Variants in ARHGEF4 observed in about 807,000 individuals in gnomAD.
The protein encoded by ARHGEF4 is Rho guanine nucleotide exchange factor 4.
A neutral mutation model predicts 162.0 loss-of-function variants in ARHGEF4; 119 were observed. The ratio of observed to expected loss-of-function variants is 0.73; its 90% confidence interval spans 0.63 to 0.86. The LOEUF (loss-of-function observed/expected upper bound fraction) is 0.86, where lower values mean the gene tolerates loss of function less well. Among genes scored for constraint, ARHGEF4 ranks in the 40% least tolerant of loss-of-function variants. ARHGEF4 has a pLI of 0.00. For missense variants in ARHGEF4, 2,488 were observed against 2,456.0 expected (o/e 1.01, Z -0.28); for synonymous variants, 1,014 against 979.9 (o/e 1.03, Z -0.65).
chr2:130,872,512 G>A (rs529812927), intron 1 of ARHGEF4, among the ~76,000 whole-genome samples: 10 of 152,120 alleles, frequency 6.6e-5, no homozygotes, highest in South Asian at 2.1e-4. Flanking sequence ...GCCCTCCTCC[G>A]CACCTCCTCG....
chr2:130,988,488 A>G (rs896124343), intron 4 of ARHGEF4, among the ~76,000 whole-genome samples: 3 of 152,248 alleles, frequency 2.0e-5, no homozygotes, highest in African/African-American at 7.2e-5. Flanking sequence ...TATGCTGATT[A>G]TAGAAATTTT....
At chr2:131,016,799 C>T (rs1264482285) in intron 4 of ARHGEF4, among the ~76,000 whole-genome samples, 1 of 152,208 alleles carries the variant, frequency 6.6e-6, no homozygotes, top group Non-Finnish European at 1.5e-5. Context: ...GTCTGGGGAC[C>T]ACACTTTGAG....
intron 4 of ARHGEF4, among the ~76,000 whole-genome samples, chr2:130,950,951 A>G (rs1683924385): frequency 6.6e-6 from 1 of 152,158 alleles, no homozygotes; most frequent in Non-Finnish European, 1.5e-5. Context: ...GATTACTTCT[A>G]CTACCTTGCA....
intron 1 of ARHGEF4, among the ~76,000 whole-genome samples, chr2:130,865,416 C>T (rs902627141): frequency 2.0e-4 from 31 of 152,182 alleles, no homozygotes; most frequent in Non-Finnish European, 1.5e-4. Flanking sequence ...TTAGCACTGA[C>T]GGTGCAGTTA....
intron 5 of ARHGEF4, among the ~76,000 whole-genome samples, chr2:131,030,866 ACTCACT>A (rs1217064753): frequency 6.6e-6 from 1 of 152,116 alleles, no homozygotes; most frequent in Non-Finnish European, 1.5e-5. Flanking sequence ...CATTAAGTGG[ACTCACT>A]CATCAGAAAC....
At chr2:131,001,302 C>CAAAAAAAAA (rs70994730) in intron 4 of ARHGEF4, among the ~76,000 whole-genome samples, 3 of 31,152 alleles carry the variant, frequency 9.6e-5, no homozygotes, top group South Asian at 1.6e-3. Context: ...GACTGTGTCT[C>CAAAAAAAAA]AAAAAAAAAA....
At chr2:131,033,644 G>C (rs1470186086) in intron 5 of ARHGEF4, among the ~76,000 whole-genome samples, 1 of 152,182 alleles carries the variant, frequency 6.6e-6, no homozygotes, top group Non-Finnish European at 1.5e-5. Context: ...GCTGGGATTT[G>C]GGGGTACCAG....
Position 131,040,253 on chromosome 2 carries a change from G to C in ARHGEF4, c.4483-8G>C. ...GGTCGGGGGAGGCCTAACCACGTCC[G>C]CCCGCAGGGCTACGTCCGGCAGTGC... On this transcript the variant is annotated splice_region_variant and splice_polypyrimidine_tract_variant and intron_variant, in intron 7 of 13. Transcript: ENST00000409359. The C allele has an allele frequency of 6.2e-7, 1 of 1,611,846 alleles. No homozygotes were observed. Among genetic ancestry groups the C allele is most frequent in the South Asian group, 1.1e-5 (1 of 90,950 alleles).
At chr2:130,906,625 G>A (rs575413935) in intron 1 of ARHGEF4, among the ~76,000 whole-genome samples, 2 of 152,250 alleles carry the variant, frequency 1.3e-5, no homozygotes, top group African/African-American at 2.4e-5. Flanking sequence ...ACCAGCCCTC[G>A]TATACATGTA....
chr2:131,020,053 C>T (rs907044763), intron 4 of ARHGEF4, among the ~76,000 whole-genome samples: 33 of 152,118 alleles, frequency 2.2e-4, no homozygotes, highest in African/African-American at 7.2e-4. Flanking sequence ...TATTCTGTAG[C>T]CTTGCTGAAT....
At chr2:130,927,496 G>T (rs1194679856) in intron 2 of ARHGEF4, among the ~76,000 whole-genome samples, 1 of 152,216 alleles carries the variant, frequency 6.6e-6, no homozygotes, top group Non-Finnish European at 1.5e-5. Flanking sequence ...CTTTGCTGGG[G>T]TGTGAGGGAG....
intron 2 of ARHGEF4, among the ~76,000 whole-genome samples, chr2:130,926,129 A>C (rs114391450): frequency 0.018 from 2,716 of 149,710 alleles, 48 homozygotes; most frequent in Non-Finnish European, 0.03. Context: ...TCTTCCATCT[A>C]CAAGTTCACT....
intron 4 of ARHGEF4, among the ~76,000 whole-genome samples, chr2:131,019,342 G>A (rs1026378240): frequency 2.6e-5 from 4 of 152,004 alleles, no homozygotes; most frequent in African/African-American, 4.8e-5. Context: ...AACCCGGGAG[G>A]CGGAGGTTGC....
At chr2:130,880,388 A>G (rs984188838) in intron 1 of ARHGEF4, among the ~76,000 whole-genome samples, 8 of 152,234 alleles carry the variant, frequency 5.3e-5, no homozygotes, top group Non-Finnish European at 8.8e-5. Context: ...CAGCTTCAAC[A>G]TAATCAAAGT....
chr2:130,956,109 G>T (rs576243236), intron 4 of ARHGEF4, among the ~76,000 whole-genome samples: 2 of 152,318 alleles, frequency 1.3e-5, no homozygotes, highest in African/African-American at 4.8e-5. Flanking sequence ...CTTAGAAGCA[G>T]GGGTAGTTTC....
intron 4 of ARHGEF4, among the ~76,000 whole-genome samples, chr2:131,020,959 A>T (rs1228556820): frequency 6.6e-6 from 1 of 152,024 alleles, no homozygotes; most frequent in Non-Finnish European, 1.5e-5. Flanking sequence ...GCATTTTTTC[A>T]TGTGTCTTTT....
intron 1 of ARHGEF4, among the ~76,000 whole-genome samples, chr2:130,868,590 C>T (rs1411332082): frequency 6.6e-6 from 1 of 151,992 alleles, no homozygotes; most frequent in South Asian, 2.1e-4. Context: ...AGCAGAACAT[C>T]CAAGGAAAAG....
At chr2:130,900,373 G>A (rs565852100) in intron 1 of ARHGEF4, among the ~76,000 whole-genome samples, 3 of 152,176 alleles carry the variant, frequency 2.0e-5, no homozygotes, top group African/African-American at 7.2e-5. Context: ...GTTTTATGTA[G>A]TTTGAAGGTC....
At chr2:131,034,740 C>T (rs1243457238) in intron 5 of ARHGEF4, among the ~76,000 whole-genome samples, 2 of 152,182 alleles carry the variant, frequency 1.3e-5, no homozygotes, top group Non-Finnish European at 2.9e-5. Flanking sequence ...GCCCCCGTGG[C>T]CATCTGTGCC....
Sources: allele counts gnomAD v4.1 joint callset (sites outside exome capture counted in the v4.1 genomes callset), GRCh38; gene constraint gnomAD v4.1.1; transcripts MANE v1.5; gene names NCBI Gene and HGNC (gene_info 2026-07-23, HGNC 2026-07-21).